Variants in RETREG3 observed in about 807,000 individuals in gnomAD.
RETREG3 encodes the protein reticulophagy regulator 3.
A neutral mutation model predicts 50.2 loss-of-function variants in RETREG3; 23 were observed. That is an observed-to-expected ratio of 0.46 (90% CI 0.33 to 0.65). The LOEUF is 0.65. Among genes scored for constraint, RETREG3 ranks in the 30% least tolerant of loss-of-function variants. The pLI is 0.02. For missense variants in RETREG3, 546 were observed against 598.0 expected, an observed-to-expected ratio of 0.91 and a Z score of 0.91; for synonymous variants, 240 against 234.4, an observed-to-expected ratio of 1.02 and a Z score of -0.22.
intron 1 of RETREG3, among the ~76,000 whole-genome samples, chr17:42,597,617 ATATTTTTTTTTTTTTT>A (rs1567925560): frequency 0.011 from 162 of 14,798 alleles, 5 homozygotes; most frequent in African/African-American, 0.034. Context: ...ATATATATAT[ATATTTTTTTTTTTTTT>A]TTTTTTTTTT....
chr17:42,609,052 A>ACC (rs2093174112), intron 1 of RETREG3, 34 bp downstream of exon 1: 2 of 1,584,734 alleles, frequency 1.3e-6, no homozygotes, highest in South Asian at 1.1e-5. Context: ...CGAATTCGGG[A>ACC]CTCGGAGGGT....
intron 6 of RETREG3, among the ~76,000 whole-genome samples, 200 bp downstream of exon 6, chr17:42,584,925 C>T (rs1309214289): frequency 5.3e-5 from 8 of 151,820 alleles, no homozygotes; most frequent in African/African-American, 1.9e-4. Context: ...AAAACGGGAG[C>T]CTAGGATTAC....
intron 1 of RETREG3, among the ~76,000 whole-genome samples, chr17:42,599,478 A>C (rs2143416051): frequency 6.6e-6 from 1 of 151,754 alleles, no homozygotes; most frequent in East Asian, 1.9e-4. Flanking sequence ...AACATGGAGA[A>C]ACTCCATGTC....
intron 2 of RETREG3, among the ~76,000 whole-genome samples, chr17:42,589,036 G>A (rs2093127145): frequency 2.6e-5 from 4 of 151,712 alleles, no homozygotes; most frequent in Non-Finnish European, 4.4e-5. Flanking sequence ...GGGGGGCTGA[G>A]GCAGGAGGAT....
At chr17:42,609,377 C>A, upstream of RETREG3, 1 of 1,547,296 alleles carries the variant, frequency 6.5e-7, no homozygotes, top group East Asian at 2.2e-5. Context: ...GTCACAATAA[C>A]AGCAACTGCG....
intron 3 of RETREG3, 81 bp downstream of exon 3, chr17:42,587,753 A>T: frequency 6.5e-7 from 1 of 1,532,436 alleles, no homozygotes; most frequent in Non-Finnish European, 9.0e-7. Context: ...TGTCCAGAAC[A>T]TGGGGTTAAC....
At chr17:42,592,937 A>C (rs1295848107) in intron 1 of RETREG3, among the ~76,000 whole-genome samples, 1 of 152,174 alleles carries the variant, frequency 6.6e-6, no homozygotes, top group East Asian at 1.9e-4. Context: ...CAGTGAGCCA[A>C]GATCATGCCA....
intron 1 of RETREG3, among the ~76,000 whole-genome samples, chr17:42,593,512 T>G (rs2093137262): frequency 6.6e-6 from 1 of 152,026 alleles, no homozygotes; most frequent in Admixed American, 6.6e-5. Context: ...TAGCTGGGCA[T>G]GGTGGCGGGC....
chr17:42,587,051 G>A (rs2093122836), intron 3 of RETREG3, 160 bp from the exon 4 acceptor site: 2 of 969,002 alleles, frequency 2.1e-6, no homozygotes, highest in Non-Finnish European at 3.0e-6. Context: ...GGCTCACCAG[G>A]TTGAAATCTG....
intron 2 of RETREG3, among the ~76,000 whole-genome samples, chr17:42,590,838 G>C (rs567459596): frequency 6.6e-6 from 1 of 152,056 alleles, no homozygotes; most frequent in African/African-American, 2.4e-5. Flanking sequence ...ATGGTGGTGC[G>C]TGCCTGTAAT....
intron 1 of RETREG3, among the ~76,000 whole-genome samples, chr17:42,593,796 G>C (rs1332103519): frequency 6.6e-6 from 1 of 152,080 alleles, no homozygotes; most frequent in African/African-American, 2.4e-5. Context: ...TATTAAATGA[G>C]GAAATTCAGA....
chr17:42,592,351 G>A (rs1437078529), intron 1 of RETREG3, among the ~76,000 whole-genome samples, 189 bp from the exon 2 acceptor site: 2 of 152,128 alleles, frequency 1.3e-5, no homozygotes, highest in African/African-American at 2.4e-5. Flanking sequence ...CTCTACCTAT[G>A]GGGCAGAGAA....
chr17:42,595,475 C>T (rs1227576518), intron 1 of RETREG3, among the ~76,000 whole-genome samples: 1 of 148,444 alleles, frequency 6.7e-6, no homozygotes, highest in African/African-American at 2.5e-5. Context: ...CAGTTCACTG[C>T]AACCTCTGCC....
intron 1 of RETREG3, among the ~76,000 whole-genome samples, chr17:42,593,288 G>GT (rs2093136760): frequency 6.6e-6 from 1 of 152,120 alleles, no homozygotes; most frequent in South Asian, 2.1e-4. Context: ...AAAAAAATCA[G>GT]TAAGTGTAAG....
At chr17:42,586,235 A>T in intron 4 of RETREG3, 98 bp from the exon 5 acceptor site, 1 of 1,135,734 alleles carries the variant, frequency 8.8e-7, no homozygotes, top group Non-Finnish European at 1.3e-6. Context: ...AAGACTCTGT[A>T]AGTCAAGCAT....
chr17:42,601,814 G>C (rs1325302014), intron 1 of RETREG3, among the ~76,000 whole-genome samples: 3 of 151,188 alleles, frequency 2.0e-5, no homozygotes, highest in Admixed American at 6.6e-5. Context: ...GGCATTTTTA[G>C]TAGAGATGGG....
Position 42,581,969 on chromosome 17 carries a change from T to C in RETREG3, c.1245A>G (p.Gln415=), listed in dbSNP as rs749757633. 6.8e-6 allele frequency: 11 copies of C among 1,614,070 alleles called. No individual in the cohort carries two copies. Among genetic ancestry groups the C allele is most frequent in the Non-Finnish European group, 9.3e-6 (11 of 1,180,020 alleles). The stretch of plus-strand genomic sequence containing the variant: ...GGGCAGGTGCTCCAGAAGGGCCTGG[T>C]TGGGAGGCCCCTGACAAGGCCAGCT... ...MIQLALSGAS[Q]PGPSGAPAQR... Residue 415 remains glutamine (Q), a synonymous_variant, in exon 9 of 9, where the codon CAA becomes CAG. Transcript: ENST00000309428.
rs1224719820 is a variant in RETREG3 at position 42,585,075 on chromosome 17, CT to C, written c.727+49del. The C allele has an allele frequency of 7.5e-6, 12 of 1,599,954 alleles. No individual in the cohort carries two copies. In the South Asian group the frequency reaches 1.2e-4, roughly 16 times the overall value. On this transcript the variant is annotated intron_variant, in intron 6 of 8. Coordinates refer to ENST00000309428, the MANE Select transcript of RETREG3 (RefSeq NM_178126.4). ...AGTATGTCAGACCTATGGGCTTCTC[CT>C]TTTCGCCCCAAATTGCGTAAGTGGA...
At chr17:42,608,238 T>C (rs1220547409) in intron 1 of RETREG3, among the ~76,000 whole-genome samples, 2 of 152,200 alleles carry the variant, frequency 1.3e-5, no homozygotes, top group Non-Finnish European at 2.9e-5. Context: ...TCCAAAATTA[T>C]GGTTGGTAGA....
Sources: gnomAD v4.1 joint callset for allele counts (sites outside exome capture counted in the v4.1 genomes callset) on GRCh38, gnomAD v4.1.1 for gene constraint, MANE v1.5 for transcripts, NCBI Gene and HGNC (gene_info 2026-07-23, HGNC 2026-07-21) for gene names.